RSPO2: variants seen among roughly 807,000 people sequenced by gnomAD.
RSPO2 encodes the protein R-spondin 2, also known as R-spondin-2.
RSPO2 carries 14 observed loss-of-function variants against 30.9 expected under a neutral mutation model. That is an observed-to-expected ratio of 0.45 (90% CI 0.30 to 0.71). The LOEUF (loss-of-function observed/expected upper bound fraction) is 0.71, where lower values mean the gene tolerates loss of function less well. Ranked by LOEUF, RSPO2 falls within the 30% of genes least tolerant of loss-of-function variation. The probability of loss-of-function intolerance (pLI) is 0.08; values close to 1 mark genes in which losing one functional copy is unlikely to be tolerated. For missense variants in RSPO2, 264 were observed against 301.9 expected, an observed-to-expected ratio of 0.87 and a Z score of 0.93; for synonymous variants, 107 against 96.4, an observed-to-expected ratio of 1.11 and a Z score of -0.64.
chr8:107,926,519 G>C (rs943999492), intron 5 of RSPO2, among the ~76,000 whole-genome samples: 4 of 152,082 alleles, frequency 2.6e-5, no homozygotes, highest in African/African-American at 7.2e-5. Context: ...TTCTTCTAGG[G>C]TTTTTATGGT....
intron 5 of RSPO2, among the ~76,000 whole-genome samples, chr8:107,954,703 G>T (rs549780): frequency 0.54 from 81,393 of 151,794 alleles, 23,926 homozygotes; most frequent in East Asian, 0.7. Context: ...TTCCACCTCC[G>T]GGGTTCAAGC....
intron 2 of RSPO2, among the ~76,000 whole-genome samples, chr8:108,041,848 G>T (rs1382720039): frequency 1.3e-5 from 2 of 152,048 alleles, no homozygotes; most frequent in Admixed American, 1.3e-4. Context: ...GCAGCAGGGG[G>T]TTGGCATCAC....
intron 2 of RSPO2, among the ~76,000 whole-genome samples, chr8:107,992,204 C>CACACACACACACACACA (rs71308765): frequency 6.6e-6 from 1 of 151,152 alleles, no homozygotes; most frequent in African/African-American, 2.4e-5. Flanking sequence ...CACACACACA[C>CACACACACACACACACA]CATGGAATAC....
intron 5 of RSPO2, among the ~76,000 whole-genome samples, chr8:107,911,640 T>C (rs1017056049): frequency 1.3e-5 from 2 of 152,190 alleles, no homozygotes; most frequent in African/African-American, 4.8e-5. Flanking sequence ...GCCCTACTTG[T>C]ATTATTTCTA....
At chr8:107,959,770 A>G (rs1813557905) in intron 4 of RSPO2, among the ~76,000 whole-genome samples, 2 of 152,186 alleles carry the variant, frequency 1.3e-5, no homozygotes, top group African/African-American at 4.8e-5. Flanking sequence ...ACTCACACAT[A>G]AGTAGAAACA....
At chr8:108,048,857 T>C (rs1289736166) in intron 2 of RSPO2, among the ~76,000 whole-genome samples, 1 of 152,216 alleles carries the variant, frequency 6.6e-6, no homozygotes, top group Admixed American at 6.5e-5. Context: ...CCAGAGATTC[T>C]GGTACATTGT....
chr8:108,042,081 T>C (rs183782123), intron 2 of RSPO2, among the ~76,000 whole-genome samples: 8 of 152,306 alleles, frequency 5.3e-5, no homozygotes, highest in Admixed American at 4.6e-4. Context: ...GTAAATTGTA[T>C]TCAAGAGGAG....
chr8:108,044,028 G>A (rs188459077), intron 2 of RSPO2, among the ~76,000 whole-genome samples: 10 of 152,044 alleles, frequency 6.6e-5, no homozygotes, highest in African/African-American at 2.4e-4. Flanking sequence ...ATACCCAGTA[G>A]GGTCTTAATA....
chr8:107,998,692 T>C (rs947078805), intron 2 of RSPO2, among the ~76,000 whole-genome samples: 3 of 152,036 alleles, frequency 2.0e-5, no homozygotes, highest in African/African-American at 7.2e-5. Flanking sequence ...TAGAAAAAAA[T>C]TGATAATCAA....
chr8:108,068,119 T>C (rs558237507), intron 2 of RSPO2, among the ~76,000 whole-genome samples: 1 of 152,136 alleles, frequency 6.6e-6, no homozygotes, highest in African/African-American at 2.4e-5. Flanking sequence ...CTTCAGCTGA[T>C]AGAGATGAAC....
intron 1 of RSPO2, 50 bp from the exon 2 acceptor site, chr8:108,082,857 C>T (rs1586688366): frequency 2.0e-6 from 1 of 507,168 alleles, no homozygotes; most frequent in African/African-American, 2.0e-5. Context: ...GAGAGAGCCC[C>T]GGGGAGGCAG....
intron 5 of RSPO2, among the ~76,000 whole-genome samples, chr8:107,927,991 T>C (rs573196405): frequency 1.3e-5 from 2 of 152,266 alleles, no homozygotes; most frequent in South Asian, 4.1e-4. Context: ...ATCAGAAATA[T>C]TAAATATAGA....
At chr8:108,006,651 T>C (rs1363776019) in intron 2 of RSPO2, among the ~76,000 whole-genome samples, 1 of 151,950 alleles carries the variant, frequency 6.6e-6, no homozygotes, top group Non-Finnish European at 1.5e-5. Context: ...GATAAATGTC[T>C]GATTTTCAAT....
At chr8:108,029,087 T>C (rs1811328817) in intron 2 of RSPO2, among the ~76,000 whole-genome samples, 1 of 130,224 alleles carries the variant, frequency 7.7e-6, no homozygotes, top group African/African-American at 3.3e-5. Flanking sequence ...TTTTTTTTTT[T>C]TTTTTGCCTA....
At chr8:107,957,297 G>A (rs998463685) in intron 5 of RSPO2, among the ~76,000 whole-genome samples, 2 of 152,132 alleles carry the variant, frequency 1.3e-5, no homozygotes, top group Non-Finnish European at 2.9e-5. Flanking sequence ...TATTTTGAGC[G>A]AATGACATTG....
In RSPO2 at chr8:107,938,036, T is replaced by A. The variant is rs189768636; in HGVS notation, c.616+20044A>T. 7.2e-5 allele frequency among the ~76,000 whole-genome samples: 11 copies of A among 152,188 alleles called. No homozygotes were observed. In the East Asian group the frequency reaches 2.1e-3, roughly 29 times the overall value. On this transcript the variant is annotated intron_variant, in intron 5 of 5. Transcript: ENST00000276659. ...GAAATTGCAGCATAAAAGTGCTGTA[T>A]CAAATAACACTCCGACAACATAAAA... is the stretch of plus-strand genomic sequence containing the variant.
intron 2 of RSPO2, among the ~76,000 whole-genome samples, chr8:108,016,971 A>T (rs1488183518): frequency 2.0e-5 from 3 of 150,568 alleles, no homozygotes; most frequent in African/African-American, 4.9e-5. Context: ...AACCTCCTTT[A>T]AAAAAAAATA....
intron 5 of RSPO2, among the ~76,000 whole-genome samples, chr8:107,927,546 CTCT>C (rs910129218): frequency 1.3e-5 from 2 of 152,184 alleles, no homozygotes; most frequent in African/African-American, 4.8e-5. Context: ...TCATAAATAG[CTCT>C]TATTATTTTG....
intron 2 of RSPO2, among the ~76,000 whole-genome samples, chr8:108,030,957 A>G (rs889920194): frequency 9.2e-5 from 14 of 152,160 alleles, no homozygotes; most frequent in African/African-American, 3.1e-4. Flanking sequence ...AAAAATGGCG[A>G]ATATTTTGCC....
Sources: gnomAD v4.1 joint callset for allele counts (sites outside exome capture counted in the v4.1 genomes callset) on GRCh38, gnomAD v4.1.1 for gene constraint, MANE v1.5 for transcripts, NCBI Gene and HGNC (gene_info 2026-07-23, HGNC 2026-07-21) for gene names.